The following SLC16A7 variants were observed in gnomAD, a reference collection of about 807,000 sequenced individuals.
SLC16A7 encodes monocarboxylate transporter 2.
SLC16A7 carries 33 observed loss-of-function variants against 34.9 expected under a neutral mutation model. The ratio of observed to expected loss-of-function variants is 0.94; its 90% CI spans 0.72 to 1.26. The LOEUF is 1.26. Among genes scored for constraint, SLC16A7 ranks in the 50% most tolerant of loss-of-function variants. The pLI is 0.00. For synonymous variants in SLC16A7, 201 were observed against 206.6 expected (o/e 0.97, Z 0.23); for missense variants, 573 against 578.1 (o/e 0.99, Z 0.09).
chr12:59,596,736 T>G lies in SLC16A7; in HGVS notation c.-130+500T>G, dbSNP rs1187117626. On this transcript the variant is annotated intron_variant, in intron 1 of 5. Transcript: ENST00000547379. The surrounding 1 kb of genome is among the most constrained non-coding windows in gnomAD (Gnocchi z 5.0). ...GCAGAAGGTGGAGGCGGGGGTGGAGTGTGTGGAGAGAACGTCTTCTCTTTG... is the reference window on the plus strand; with the variant it reads ...GCAGAAGGTGGAGGCGGGGGTGGAGGGTGTGGAGAGAACGTCTTCTCTTTG... Among the ~76,000 whole-genome samples, 1 of 149,592 alleles carries G rather than the reference T, an allele frequency of 6.7e-6. No individual in the cohort carries two copies. The highest frequency in any genetic ancestry group is 2.5e-5 in the African/African-American group (1 of 40,390).
chr12:59,766,272 G>T (rs562880777), intron 3 of SLC16A7, among the ~76,000 whole-genome samples: 250 of 152,308 alleles, frequency 1.6e-3, no homozygotes, highest in African/African-American at 4.6e-3. Flanking sequence ...CATGTCATCT[G>T]CAAACAGGGA....
rs149626387 is a variant in SLC16A7 at position 59,628,326 on chromosome 12, C to T, written c.-129-26826C>T. On this transcript the variant is annotated intron_variant, in intron 1 of 5. Transcript: ENST00000547379. ...ATATTTTTAGTGTAAATTTTTGTCCCTTCTGAACACTCACTCAGTTCCTTA... is the reference window on the plus strand; with the variant it reads ...ATATTTTTAGTGTAAATTTTTGTCCTTTCTGAACACTCACTCAGTTCCTTA... Among the ~76,000 whole-genome samples the T allele has an allele frequency of 1.0e-3, 153 of 151,874 alleles. 1 individual carries two copies. Among genetic ancestry groups the T allele is most frequent in the African/African-American group, 3.0e-3 (125 of 41,468 alleles).
At chr12:59,614,849 A>AC (rs1879369884) in intron 1 of SLC16A7, among the ~76,000 whole-genome samples, 1 of 148,566 alleles carries the variant, frequency 6.7e-6, no homozygotes, top group Non-Finnish European at 1.5e-5. Context: ...AAAAAAAAAA[A>AC]AAAATTAGCC....
rs547634718 is a variant in SLC16A7, at chr12:59,782,195, A to G, written c.*2516A>G. 35 of 152,334 alleles carry G rather than the reference A, an allele frequency of 2.3e-4. No individual in the cohort carries two copies. The highest frequency in any genetic ancestry group is 8.2e-4 in the African/African-American group (34 of 41,588). The allele number at this position is 152,334 out of a possible 1,614,324, so 9.4% of individuals were successfully genotyped here. On this transcript the variant is annotated 3_prime_UTR_variant, in exon 6 of 6. Transcript: ENST00000547379. ...CAAATATGCACACACGTTAACTGCT[A>G]TGCATAAATATTGACAGTTAAACCA...
At chr12:59,626,488 C>A (rs894724920) in intron 1 of SLC16A7, among the ~76,000 whole-genome samples, 6 of 151,734 alleles carry the variant, frequency 4.0e-5, no homozygotes, top group Non-Finnish European at 8.8e-5. Flanking sequence ...TGCTATAATT[C>A]TCTCCATTTG....
At chr12:59,715,274 G>A (rs1401135415) in intron 3 of SLC16A7, among the ~76,000 whole-genome samples, 1 of 152,112 alleles carries the variant, frequency 6.6e-6, no homozygotes, top group Admixed American at 6.6e-5. Context: ...AGCAATCCAT[G>A]ACTTTGTTTT....
intron 2 of SLC16A7, among the ~76,000 whole-genome samples, chr12:59,672,039 TCC>T (rs1565641248): frequency 0.036 from 1 of 28 alleles, no homozygotes; most frequent in Non-Finnish European, 0.083. Flanking sequence ...ATCGCATATA[TCC>T]GTATATATGT....
rs5798504 is a variant in SLC16A7, at chr12:59,644,173, T to TAA, written c.-129-10973_-129-10972dup. Among the ~76,000 whole-genome samples the TAA allele has an allele frequency of 7.9e-5, 12 of 151,886 alleles. 2 individuals are homozygous for TAA. Among genetic ancestry groups the TAA allele is most frequent in the African/African-American group, 2.7e-4 (11 of 41,430 alleles). ...AGTAAAGGTGGGTGGTCAAAATAAA[T>TAA]AAAAAAACAAAAAAATACAAACAAA... On this transcript the variant is annotated intron_variant, in intron 1 of 5. Transcript: ENST00000547379.
At chr12:59,658,268 T>G (rs1034974517) in intron 2 of SLC16A7, among the ~76,000 whole-genome samples, 1 of 152,042 alleles carries the variant, frequency 6.6e-6, no homozygotes, top group Non-Finnish European at 1.5e-5. Flanking sequence ...GTCTTACTTC[T>G]CCCACACTTC....
chr12:59,674,973 G>T (rs1206485075), intron 2 of SLC16A7, among the ~76,000 whole-genome samples: 1 of 152,120 alleles, frequency 6.6e-6, no homozygotes, highest in Non-Finnish European at 1.5e-5. Flanking sequence ...TCATAAAGTG[G>T]TAGGTCTGAT....
At position 59,736,044 on chromosome 12, in the gene SLC16A7, G is replaced by A. The variant is rs1877552603; in HGVS notation, c.217+31026G>A. On this transcript the variant is annotated intron_variant, in intron 3 of 5. Transcript: ENST00000547379. ...AATGTATGGTTTTAATAAGAACTCAGGGATATAGTTGGTGAGACACCATAC... is the reference window on the plus strand; with the variant it reads ...AATGTATGGTTTTAATAAGAACTCAAGGATATAGTTGGTGAGACACCATAC... 9.9e-6 allele frequency: 4 copies of A among 405,884 alleles called. No homozygotes were observed. In the South Asian group the frequency reaches 1.0e-4, roughly 10 times the overall value. The allele number at this position is 405,884 out of a possible 1,614,324, so 25.1% of individuals were successfully genotyped here.
At chr12:59,696,059 A>G (rs1872250008) in intron 2 of SLC16A7, among the ~76,000 whole-genome samples, 1 of 151,872 alleles carries the variant, frequency 6.6e-6, no homozygotes, top group Non-Finnish European at 1.5e-5. Context: ...TTTAGAGAAA[A>G]TTATTTAAAT....
At chr12:59,768,104 A>C in intron 3 of SLC16A7, 1 of 448,992 alleles carries the variant, frequency 2.2e-6, no homozygotes, top group Non-Finnish European at 4.5e-6. Context: ...AAAAAATTTA[A>C]ATACATTTTG....
intron 2 of SLC16A7, among the ~76,000 whole-genome samples, chr12:59,677,139 A>T (rs957034314): frequency 6.6e-6 from 1 of 152,242 alleles, no homozygotes; most frequent in East Asian, 1.9e-4. Flanking sequence ...GGAATCTAGG[A>T]TGAGATCTTG....
chr12:59,625,355 A>T (rs1464687594), intron 1 of SLC16A7, among the ~76,000 whole-genome samples: 1 of 151,822 alleles, frequency 6.6e-6, no homozygotes, highest in Non-Finnish European at 1.5e-5. Flanking sequence ...CATTCTTAAC[A>T]CAGAAAATAA....
Position 59,748,886 on chromosome 12 carries a change from T to C in SLC16A7, c.218-22333T>C, listed in dbSNP as rs952804699. On this transcript the variant is annotated intron_variant, in intron 3 of 5. Transcript: ENST00000547379. ...CTTAAAGTAAAAGCTAAATGAAATATCTAAATCCAGAGTATTTAATACCAG... is the reference window on the plus strand; with the variant it reads ...CTTAAAGTAAAAGCTAAATGAAATACCTAAATCCAGAGTATTTAATACCAG... 8.5e-5 allele frequency among the ~76,000 whole-genome samples: 13 copies of C among 152,300 alleles called. 1 individual carries two copies. Among genetic ancestry groups the C allele is most frequent in the African/African-American group, 3.1e-4 (13 of 41,568 alleles).
intron 1 of SLC16A7, among the ~76,000 whole-genome samples, chr12:59,610,098 G>A (rs1442732584): frequency 6.6e-6 from 1 of 152,058 alleles, no homozygotes; most frequent in Non-Finnish European, 1.5e-5. Flanking sequence ...TATATTACAT[G>A]TTTTCTTCCG....
At chr12:59,743,758 TGAG>T (rs1306918634) in intron 3 of SLC16A7, among the ~76,000 whole-genome samples, 1 of 152,182 alleles carries the variant, frequency 6.6e-6, no homozygotes, top group African/African-American at 2.4e-5. Context: ...ATTTTGAAAA[TGAG>T]GAATTTTTAT....
intron 3 of SLC16A7, among the ~76,000 whole-genome samples, chr12:59,710,877 A>C (rs962609937): frequency 6.6e-6 from 1 of 152,326 alleles, no homozygotes; most frequent in East Asian, 1.9e-4. Context: ...AATGTCTTCC[A>C]GCTCAACTAG....
Sources: allele counts gnomAD v4.1 joint callset (sites outside exome capture counted in the v4.1 genomes callset), GRCh38; gene constraint gnomAD v4.1.1; non-coding constraint Gnocchi (gnomAD v3.1); transcripts MANE v1.5; gene names NCBI Gene and HGNC (gene_info 2026-07-23, HGNC 2026-07-21).